CRADD: variants seen among roughly 807,000 people sequenced by gnomAD.
CRADD encodes CARD and death domain containing adaptor protein.
A neutral mutation model predicts 15.5 loss-of-function variants in CRADD; 9 were observed. That is an observed-to-expected ratio of 0.58 (90% CI 0.35 to 1.01). The LOEUF (loss-of-function observed/expected upper bound fraction) is 1.01. Among genes scored for constraint, CRADD ranks in the 50% least tolerant of loss-of-function variants. The pLI, the probability that CRADD is intolerant of heterozygous loss-of-function variation, is 0.02. For synonymous variants in CRADD, 118 were observed against 107.6 expected (o/e 1.10, Z -0.60); for missense variants, 227 against 250.3 (o/e 0.91, Z 0.63).
At chr12:93,860,273 AC>A in intron 2 of CRADD, among the ~76,000 whole-genome samples, 1 of 152,324 alleles carries the variant, frequency 6.6e-6, no homozygotes. Flanking sequence ...GGCCTGTCTG[AC>A]CAAAGCTAAA....
chr12:93,698,339 TAGA>T (rs1955760605), intron 2 of CRADD, among the ~76,000 whole-genome samples: 2 of 152,202 alleles, frequency 1.3e-5, no homozygotes, highest in Non-Finnish European at 2.9e-5. Flanking sequence ...GGAGAAAATT[TAGA>T]AGATTACGAG....
At chr12:93,804,920 A>G (rs954399119) in intron 2 of CRADD, among the ~76,000 whole-genome samples, 1 of 152,104 alleles carries the variant, frequency 6.6e-6, no homozygotes, top group African/African-American at 2.4e-5. Context: ...CTGACAGATG[A>G]TTAATAATAC....
At chr12:93,759,617 A>G (rs1175837248) in intron 2 of CRADD, among the ~76,000 whole-genome samples, 2 of 151,972 alleles carry the variant, frequency 1.3e-5, no homozygotes, top group Non-Finnish European at 2.9e-5. Flanking sequence ...CCTTTGTCCT[A>G]CTGCTCCCTT....
chr12:93,760,566 C>G lies in CRADD; in HGVS notation c.298+81494C>G, dbSNP rs531963465. 3.5e-3 allele frequency among the ~76,000 whole-genome samples: 540 copies of G among 152,278 alleles called. 5 individuals carry two copies. Among genetic ancestry groups the G allele is most frequent in the Middle Eastern group, 0.027 (8 of 294 alleles). ...ATAATTTGTCCTACCCCACAGTCAG[C>G]AATTTCATATCTACTGCTCACAGTA... On this transcript the variant is annotated intron_variant, in intron 2 of 2. Coordinates refer to ENST00000332896, the MANE Select transcript of CRADD (RefSeq NM_003805.5).
At chr12:93,841,229 A>T (rs1338023877) in intron 2 of CRADD, among the ~76,000 whole-genome samples, 1 of 152,152 alleles carries the variant, frequency 6.6e-6, no homozygotes. Context: ...CAATTACTTA[A>T]TATTTTATTT....
chr12:93,810,911 A>G (rs1485312159), intron 2 of CRADD, among the ~76,000 whole-genome samples: 1 of 152,252 alleles, frequency 6.6e-6, no homozygotes, highest in Admixed American at 6.5e-5. Context: ...GGAAAATGCA[A>G]TGCAAAACTC....
intron 2 of CRADD, among the ~76,000 whole-genome samples, chr12:93,795,807 A>C (rs1412052651): frequency 6.6e-6 from 1 of 152,162 alleles, no homozygotes; most frequent in Non-Finnish European, 1.5e-5. Flanking sequence ...CTATACCCAA[A>C]TCCTAATTTC....
chr12:93,718,829 G>A (rs1316465547), intron 2 of CRADD, among the ~76,000 whole-genome samples: 1 of 151,522 alleles, frequency 6.6e-6, no homozygotes, highest in Non-Finnish European at 1.5e-5. Flanking sequence ...GTGTGAACAT[G>A]GCTCACTGCA....
intron 2 of CRADD, among the ~76,000 whole-genome samples, chr12:93,698,773 A>G (rs955116679): frequency 6.6e-6 from 1 of 152,182 alleles, no homozygotes; most frequent in African/African-American, 2.4e-5. Flanking sequence ...GCACTTTTAA[A>G]TGGTTGAAAA....
chr12:93,870,827 C>A (rs1004488109), intron 2 of CRADD, among the ~76,000 whole-genome samples: 10 of 152,342 alleles, frequency 6.6e-5, no homozygotes, highest in African/African-American at 2.4e-4. Flanking sequence ...GCCATAGGAT[C>A]AACCCCACAT....
intron 2 of CRADD, among the ~76,000 whole-genome samples, chr12:93,761,470 A>G (rs1249794547): frequency 5.3e-5 from 8 of 152,062 alleles, no homozygotes; most frequent in Non-Finnish European, 8.8e-5. Flanking sequence ...TTAAGAGAGA[A>G]ATCAAGGATG....
chr12:93,791,600 A>C (rs763056831), intron 2 of CRADD, among the ~76,000 whole-genome samples: 1 of 152,156 alleles, frequency 6.6e-6, no homozygotes, highest in Non-Finnish European at 1.5e-5. Flanking sequence ...TTTGAGATCT[A>C]TTGTACAGCA....
chr12:93,742,892 G>T (rs886462934), intron 2 of CRADD, among the ~76,000 whole-genome samples: 4 of 151,932 alleles, frequency 2.6e-5, no homozygotes, highest in African/African-American at 9.7e-5. Context: ...CTTATCAGGA[G>T]GGGGGTCAGG....
chr12:93,750,191 C>T (rs1197473094), intron 2 of CRADD, among the ~76,000 whole-genome samples: 1 of 150,302 alleles, frequency 6.7e-6, no homozygotes, highest in African/African-American at 2.5e-5. Flanking sequence ...ACCTCAGATC[C>T]AGCCTCTATT....
intron 2 of CRADD, among the ~76,000 whole-genome samples, chr12:93,738,878 A>C (rs1257768448): frequency 6.6e-6 from 1 of 152,160 alleles, no homozygotes; most frequent in African/African-American, 2.4e-5. Flanking sequence ...AGGAAGGAAG[A>C]AAGTGAAAGA....
intron 2 of CRADD, among the ~76,000 whole-genome samples, chr12:93,704,815 T>G (rs2136844637): frequency 1.3e-5 from 2 of 152,264 alleles, no homozygotes; most frequent in Middle Eastern, 6.8e-3. Flanking sequence ...AGCACAGGCC[T>G]CCTCTGTCAC....
intron 2 of CRADD, among the ~76,000 whole-genome samples, chr12:93,846,152 T>C (rs551908024): frequency 1.3e-5 from 2 of 152,376 alleles, no homozygotes; most frequent in Non-Finnish European, 2.9e-5. Flanking sequence ...TTCTATTGTA[T>C]GTCTCTGACA....
At chr12:93,855,707 G>C (rs1958267610), downstream of CRADD, among the ~76,000 whole-genome samples, 1 of 152,198 alleles carries the variant, frequency 6.6e-6, no homozygotes, top group Non-Finnish European at 1.5e-5. Flanking sequence ...ACCCACCTAT[G>C]GTCACAGTGA....
intron 2 of CRADD, among the ~76,000 whole-genome samples, chr12:93,755,846 G>A (rs748380582): frequency 1.3e-5 from 2 of 152,164 alleles, no homozygotes; most frequent in African/African-American, 4.8e-5. Context: ...AAAAGAAAAA[G>A]TAGCATATGA....
Sources: allele counts gnomAD v4.1 joint callset (sites outside exome capture counted in the v4.1 genomes callset), GRCh38; gene constraint gnomAD v4.1.1; transcripts MANE v1.5; gene names NCBI Gene and HGNC (gene_info 2026-07-23, HGNC 2026-07-21).